PDE6D: variants seen among roughly 807,000 people sequenced by gnomAD.
PDE6D encodes phosphodiesterase 6D.
Under a neutral mutation model 21.9 loss-of-function variants are expected in PDE6D, and 10 were observed. That is an observed-to-expected ratio of 0.46 (90% CI 0.28 to 0.78). PDE6D has a LOEUF of 0.78. Among genes scored for constraint, PDE6D ranks in the 30% least tolerant of loss-of-function variants. The probability of loss-of-function intolerance (pLI) is 0.12; values close to 1 mark genes in which losing one functional copy is unlikely to be tolerated. For synonymous variants in PDE6D, 59 were observed against 63.5 expected, an observed-to-expected ratio of 0.93 and a Z score of 0.34; for missense variants, 139 against 184.8, an observed-to-expected ratio of 0.75 and a Z score of 1.44.
At chr2:231,741,348 T>C (rs1444047790) in intron 1 of PDE6D, among the ~76,000 whole-genome samples, 21 of 151,960 alleles carry the variant, frequency 1.4e-4, no homozygotes, top group Admixed American at 1.3e-3. Flanking sequence ...GGGAAACAAT[T>C]CCTGAAACAA....
intron 1 of PDE6D, among the ~76,000 whole-genome samples, chr2:231,746,308 A>C (rs1559315128): frequency 6.6e-6 from 1 of 151,838 alleles, no homozygotes; most frequent in Non-Finnish European, 1.5e-5. Context: ...TGTCCGGCTA[A>C]TTTTTTGTAT....
chr2:231,757,180 G>A (rs1245961659), intron 1 of PDE6D, among the ~76,000 whole-genome samples: 2 of 151,912 alleles, frequency 1.3e-5, no homozygotes, highest in Non-Finnish European at 2.9e-5. Context: ...GGCTGGTTTC[G>A]AACTCCTGGG....
In PDE6D at chr2:231,739,053, G is replaced by T; in HGVS notation, c.139+47C>A. 1 of 1,220,468 alleles carries T rather than the reference G, an allele frequency of 8.2e-7. No homozygotes were observed. Among genetic ancestry groups the T allele is most frequent in the Non-Finnish European group, 1.2e-6 (1 of 823,808 alleles). The allele number at this position is 1,220,468 out of a possible 1,614,324, so 75.6% of individuals were successfully genotyped here. ...TTAGCTCTCTTATGCTCAGGTGCTA[G>T]TCTGGCATTGGTCACAGCCCTGTGT... On this transcript the variant is annotated intron_variant, in intron 2 of 4. Coordinates refer to ENST00000287600, the MANE Select transcript of PDE6D (RefSeq NM_002601.4). The surrounding 1 kb of genome is among the most constrained non-coding windows in gnomAD (Gnocchi z 4.2).
At chr2:231,735,443 C>T (rs1466808350) in intron 4 of PDE6D, among the ~76,000 whole-genome samples, 8 of 150,294 alleles carry the variant, frequency 5.3e-5, no homozygotes, top group African/African-American at 2.0e-4. Flanking sequence ...GGACTACAAG[C>T]GTGTGCCGCC....
chr2:231,734,797 G>C (rs1393468989), intron 4 of PDE6D, among the ~76,000 whole-genome samples: 1 of 145,242 alleles, frequency 6.9e-6, no homozygotes, highest in Non-Finnish European at 1.5e-5. Flanking sequence ...CAGTGAGCTG[G>C]GATCATGCTA....
chr2:231,780,527 C>T (rs1279842735), intron 1 of PDE6D, among the ~76,000 whole-genome samples: 2 of 152,144 alleles, frequency 1.3e-5, no homozygotes, highest in East Asian at 3.8e-4. Context: ...GGAAACCAGA[C>T]GGGGGTGGGG....
At chr2:231,735,590 G>A (rs1034665919) in intron 4 of PDE6D, among the ~76,000 whole-genome samples, 4 of 151,468 alleles carry the variant, frequency 2.6e-5, no homozygotes, top group Admixed American at 2.0e-4. Flanking sequence ...GAGCCACTGC[G>A]CCCAGCCTCT....
intron 1 of PDE6D, among the ~76,000 whole-genome samples, chr2:231,766,026 C>T (rs1181875625): frequency 3.9e-5 from 6 of 152,208 alleles, no homozygotes; most frequent in South Asian, 4.1e-4. Context: ...TTCTAATTCA[C>T]GGTCATTTAA....
At chr2:231,740,843 A>G (rs1030724322) in intron 1 of PDE6D, among the ~76,000 whole-genome samples, 9 of 151,882 alleles carry the variant, frequency 5.9e-5, no homozygotes, top group Admixed American at 5.9e-4. Flanking sequence ...AAAATTTCGT[A>G]GATGGAAAGT....
intron 1 of PDE6D, among the ~76,000 whole-genome samples, chr2:231,775,997 T>C (rs1417329429): frequency 1.3e-5 from 2 of 152,144 alleles, no homozygotes; most frequent in East Asian, 1.9e-4. Context: ...GCTATTCAAA[T>C]AGGCAAAACA....
In PDE6D at chr2:231,781,085, C is replaced by T. The variant is rs775389135; in HGVS notation, c.30G>A (p.Glu10=). The change falls in exon 1 of 5, where the codon GAG becomes GAA. Residue 10 remains glutamate, a synonymous_variant. Coordinates refer to ENST00000287600, the MANE Select transcript of PDE6D (RefSeq NM_002601.4). ...GATACAGTTTGAAGCCCCTCAGGAT[C>T]TCCCTGGCCCGCTCGTCCTTGGCTG... is the stretch of plus-strand genomic sequence containing the variant. MSAKDERAR[E]ILRGFKLNWM... is the part of the protein sequence containing the mutation. 1.2e-6 allele frequency: 2 copies of T among 1,613,516 alleles called. No individual in the cohort carries two copies. Among genetic ancestry groups the T allele is most frequent in the Non-Finnish European group, 1.7e-6 (2 of 1,179,758 alleles).
At chr2:231,779,770 G>A (rs13385970) in intron 1 of PDE6D, among the ~76,000 whole-genome samples, 9,501 of 152,178 alleles carry the variant, frequency 0.062, 923 homozygotes, top group African/African-American at 0.2. Context: ...AAAAAGCATA[G>A]ATCAATTTCC....
At chr2:231,764,849 T>C (rs1231105392) in intron 1 of PDE6D, among the ~76,000 whole-genome samples, 1 of 152,238 alleles carries the variant, frequency 6.6e-6, no homozygotes, top group African/African-American at 2.4e-5. Flanking sequence ...GTGCTCAGCA[T>C]GTAACTGACA....
intron 2 of PDE6D, 21 bp from the exon 3 acceptor site, chr2:231,738,159 G>A (rs2048718842): frequency 6.3e-7 from 1 of 1,599,754 alleles, no homozygotes; most frequent in South Asian, 1.1e-5. Context: ...AAAAACAAAT[G>A]TTGAAGCCTT....
chr2:231,772,174 C>T (rs2049020724), intron 1 of PDE6D, among the ~76,000 whole-genome samples: 1 of 151,668 alleles, frequency 6.6e-6, no homozygotes, highest in Admixed American at 6.6e-5. Context: ...ACTCATATCT[C>T]TTGTCCAACT....
At chr2:231,740,085 C>T (rs1574618061) in intron 1 of PDE6D, among the ~76,000 whole-genome samples, 1 of 152,074 alleles carries the variant, frequency 6.6e-6, no homozygotes. Flanking sequence ...TTTACAGACA[C>T]TAAAAATTAA....
chr2:231,737,358 TCC>T, intron 3 of PDE6D, 66 bp from the exon 4 acceptor site: 1 of 819,428 alleles, frequency 1.2e-6, no homozygotes, highest in African/African-American at 1.7e-5. Flanking sequence ...GCTCTTTGTC[TCC>T]CTCTCTAGAG....
intron 4 of PDE6D, among the ~76,000 whole-genome samples, chr2:231,736,719 A>G (rs1190395048): frequency 5.9e-5 from 9 of 152,232 alleles, no homozygotes; most frequent in Admixed American, 5.9e-4. Context: ...TGATCTAAAC[A>G]AAATACAGAG....
chr2:231,733,945 G>A (rs1302611605), intron 4 of PDE6D, among the ~76,000 whole-genome samples: 1 of 152,150 alleles, frequency 6.6e-6, no homozygotes, highest in Admixed American at 6.6e-5. Context: ...GGGCACGGTG[G>A]CTCATGCCTG....
Sources: allele counts gnomAD v4.1 joint callset (sites outside exome capture counted in the v4.1 genomes callset), GRCh38; gene constraint gnomAD v4.1.1; non-coding constraint Gnocchi (gnomAD v3.1); transcripts MANE v1.5; gene names NCBI Gene and HGNC (gene_info 2026-07-23, HGNC 2026-07-21).